Variants in CUX1 observed in about 807,000 individuals in gnomAD.
CUX1 encodes cut like homeobox 1.
A neutral mutation model predicts 158.8 loss-of-function variants in CUX1; 31 were observed. The ratio of observed to expected loss-of-function variants is 0.20; its 90% confidence interval spans 0.15 to 0.26. The LOEUF (loss-of-function observed/expected upper bound fraction) is 0.26, where lower values mean the gene tolerates loss of function less well. Among genes scored for constraint, CUX1 ranks in the 10% least tolerant of loss-of-function variants. The pLI is 1.00. For missense variants in CUX1, 1,589 were observed against 2,014.6 expected, an observed-to-expected ratio of 0.79 and a Z score of 4.04; for synonymous variants, 879 against 862.1, an observed-to-expected ratio of 1.02 and a Z score of -0.34.
chr7:102,151,255 A>AT lies in CUX1; in HGVS notation c.675-7303dup, dbSNP rs558320928. On this transcript the variant is annotated intron_variant, in intron 8 of 23. Coordinates refer to ENST00000292535, the MANE Select transcript of CUX1 (RefSeq NM_181552.4). Reference sequence around the variant, plus strand: ...CAGCAGTTTGGAGAGAAAGTGGATGATTAAGACTGGGGTGGGGCTGGGCGC... The same window carrying AT: ...CAGCAGTTTGGAGAGAAAGTGGATGATTTAAGACTGGGGTGGGGCTGGGCGC... Among the ~76,000 whole-genome samples, 661 of 152,224 alleles carry AT rather than the reference A, an allele frequency of 4.3e-3. 2 individuals carry two copies. Among genetic ancestry groups the AT allele is most frequent in the Non-Finnish European group, 7.1e-3 (480 of 68,024 alleles).
At chr7:101,865,595 T>A (rs1797860586) in intron 1 of CUX1, among the ~76,000 whole-genome samples, 1 of 152,212 alleles carries the variant, frequency 6.6e-6, no homozygotes, top group Non-Finnish European at 1.5e-5. Context: ...CAGCCTGTAC[T>A]TTTGGGGGCA....
intron 2 of CUX1, among the ~76,000 whole-genome samples, chr7:101,993,543 A>G (rs1024744288): frequency 6.6e-6 from 1 of 152,156 alleles, no homozygotes; most frequent in Admixed American, 6.5e-5. Context: ...CTGCTGATGC[A>G]GGAATAAAGC....
At chr7:102,077,265 A>G (rs1316441778) in intron 4 of CUX1, among the ~76,000 whole-genome samples, 1 of 151,828 alleles carries the variant, frequency 6.6e-6, no homozygotes, top group Non-Finnish European at 1.5e-5. Flanking sequence ...CTGGGACAGG[A>G]AGGAGACCAG....
rs1344822996 is a variant in CUX1, at chr7:101,823,416, G to C, written c.30+5747G>C. ...CTTTCATGAAAACCTTTGTGAAAAT[G>C]AGCCCAATAAGGGGTCCGAACCTTT... On this transcript the variant is annotated intron_variant, in intron 1 of 23. Transcript: ENST00000292535. 2.0e-5 allele frequency among the ~76,000 whole-genome samples: 3 copies of C among 152,188 alleles called. No individual in the cohort carries two copies. The East Asian group carries it at 5.8e-4, about 29-fold the overall frequency.
At chr7:101,967,958 C>A (rs925343872) in intron 2 of CUX1, among the ~76,000 whole-genome samples, 5 of 152,106 alleles carry the variant, frequency 3.3e-5, no homozygotes, top group Non-Finnish European at 7.4e-5. Flanking sequence ...GGCTGGAATG[C>A]AGTAGTGTGA....
intron 4 of CUX1, among the ~76,000 whole-genome samples, chr7:102,080,909 G>A (rs1279624024): frequency 5.9e-5 from 9 of 152,174 alleles, no homozygotes; most frequent in Admixed American, 3.3e-4. Context: ...GACTGGCCCC[G>A]ACCTTAGATC....
At chr7:101,904,183 C>G (rs376236012) in intron 1 of CUX1, among the ~76,000 whole-genome samples, 1 of 151,774 alleles carries the variant, frequency 6.6e-6, no homozygotes, top group East Asian at 1.9e-4. Flanking sequence ...GCCCGTAATC[C>G]CAGCTACTCA....
rs919070390 is a variant in CUX1 at position 102,084,722 on chromosome 7, C to T, written c.269-12642C>T. On this transcript the variant is annotated intron_variant, in intron 4 of 23. Coordinates refer to ENST00000292535, the MANE Select transcript of CUX1 (RefSeq NM_181552.4). ...ACAGGTGTGAGCCAACGCACCCGGC[C>T]ACAATATATACTTTATTGATGTTGG... Among the ~76,000 whole-genome samples, 187 of 117,150 alleles carry T rather than the reference C, an allele frequency of 1.6e-3. 18 individuals carry two copies. Among genetic ancestry groups the T allele is most frequent in the Non-Finnish European group, 4.8e-4 (22 of 45,730 alleles). 76.9% of individuals were successfully genotyped at this position (117,150 alleles called of 152,430 possible).
At chr7:101,915,516 C>G (rs1171702816) in intron 1 of CUX1, among the ~76,000 whole-genome samples, 1 of 152,190 alleles carries the variant, frequency 6.6e-6, no homozygotes, top group African/African-American at 2.4e-5. Context: ...TTAAAGGTCC[C>G]TCTTGAAAAC....
intron 15 of CUX1, among the ~76,000 whole-genome samples, chr7:102,198,220 A>G (rs1042270961): frequency 1.8e-4 from 28 of 152,218 alleles, no homozygotes; most frequent in Non-Finnish European, 3.1e-4. Context: ...TGATTGAGCC[A>G]CTGCACTCCA....
chr7:102,006,459 C>T (rs1159883336), intron 2 of CUX1, among the ~76,000 whole-genome samples: 1 of 152,122 alleles, frequency 6.6e-6, no homozygotes, highest in East Asian at 1.9e-4. Context: ...TGAAATGGCA[C>T]GATATCGGCT....
intron 1 of CUX1, among the ~76,000 whole-genome samples, chr7:101,878,385 C>T (rs1367566005): frequency 6.6e-6 from 1 of 152,208 alleles, no homozygotes; most frequent in Non-Finnish European, 1.5e-5. Flanking sequence ...CAACAGGCTG[C>T]AGCTTAGCTA....
Position 101,916,297 on chromosome 7 carries a change from G to A in CUX1, c.141+72G>A, listed in dbSNP as rs773609726. The A allele has an allele frequency of 3.9e-4, 376 of 971,660 alleles. No individual in the cohort carries two copies. Among genetic ancestry groups the A allele is most frequent in the Non-Finnish European group, 5.1e-4 (305 of 601,394 alleles). The allele number at this position is 971,660 out of a possible 1,614,324, so 60.2% of individuals were successfully genotyped here. A position where few individuals can be genotyped will look rare whatever the true frequency, so the allele number is the denominator to read the frequency against. On this transcript the variant is annotated intron_variant, in intron 2 of 23. Coordinates refer to ENST00000292535, the MANE Select transcript of CUX1 (RefSeq NM_181552.4). The surrounding 1 kb of genome is among the most constrained non-coding windows in gnomAD (Gnocchi z 4.4). ...CTGGTGCATGTTCAGGCGACGCTCCGTGAGCGTTTCATTTTCATCAGATGA... is the reference window on the plus strand; with the variant it reads ...CTGGTGCATGTTCAGGCGACGCTCCATGAGCGTTTCATTTTCATCAGATGA...
chr7:102,266,289 G>C (rs1238958669), intron 14 of CUX1, among the ~76,000 whole-genome samples: 2 of 151,776 alleles, frequency 1.3e-5, no homozygotes, highest in Non-Finnish European at 2.9e-5. Context: ...TACCTCCCGG[G>C]GTTTGGTCTG....
chr7:101,918,328 C>T (rs1483851220), intron 2 of CUX1, among the ~76,000 whole-genome samples: 1 of 152,228 alleles, frequency 6.6e-6, no homozygotes, highest in African/African-American at 2.4e-5. Flanking sequence ...TTAAACTTGG[C>T]GTTTTTATCT....
At chr7:102,182,212 A>G (rs1192961039) in intron 11 of CUX1, among the ~76,000 whole-genome samples, 3 of 152,138 alleles carry the variant, frequency 2.0e-5, no homozygotes, top group Non-Finnish European at 4.4e-5. Context: ...TTGATCTTTG[A>G]GACATGTGCC....
At chr7:102,235,466 C>T (rs1349138780) in intron 22 of CUX1, among the ~76,000 whole-genome samples, 1 of 151,920 alleles carries the variant, frequency 6.6e-6, no homozygotes, top group African/African-American at 2.4e-5. Context: ...TTTGGGAGTC[C>T]GAGGCAGGTG....
intron 1 of CUX1, among the ~76,000 whole-genome samples, chr7:101,835,141 G>T (rs1335012927): frequency 6.6e-6 from 1 of 152,120 alleles, no homozygotes; most frequent in Non-Finnish European, 1.5e-5. Context: ...ATACCTGTCA[G>T]CAGTTACCAT....
At chr7:102,192,117 C>T (rs950209065) in intron 12 of CUX1, among the ~76,000 whole-genome samples, 7 of 152,190 alleles carry the variant, frequency 4.6e-5, no homozygotes, top group Non-Finnish European at 8.8e-5. Flanking sequence ...TGCTCTTGAG[C>T]TCTTGCCCGC....
Sources: gnomAD v4.1 joint callset for allele counts (sites outside exome capture counted in the v4.1 genomes callset) on GRCh38, gnomAD v4.1.1 for gene constraint, Gnocchi (gnomAD v3.1) non-coding constraint, MANE v1.5 for transcripts, NCBI Gene and HGNC (gene_info 2026-07-23, HGNC 2026-07-21) for gene names.